Variants in TRPC5 observed in about 807,000 individuals in gnomAD.
TRPC5 encodes the protein short transient receptor potential channel 5.
In TRPC5, 9 loss-of-function variants were observed where a neutral mutation model predicts 56.5. That is an observed-to-expected ratio of 0.16 (90% CI 0.10 to 0.28). TRPC5 has a LOEUF of 0.28. TRPC5 is among the 10% of genes least tolerant of loss of function. The pLI is 1.00. For synonymous variants in TRPC5, 282 were observed against 278.5 expected, an observed-to-expected ratio of 1.01 and a Z score of -0.13; for missense variants, 469 against 748.9, an observed-to-expected ratio of 0.63 and a Z score of 4.36.
In TRPC5 at chrX:112,005,216, A is replaced by C. The variant is rs541068909; in HGVS notation, c.-21-52775T>G. 5.0e-4 allele frequency among the ~76,000 whole-genome samples: 55 copies of C among 110,801 alleles called. No individual in the cohort carries two copies. In the Middle Eastern group the frequency reaches 0.018, roughly 37 times the overall value. ...TTAGCAGACTGACACAGGAGCAGAA[A>C]ACCAAATACCACATGTTTTCACTTA... On this transcript the variant is annotated intron_variant, in intron 1 of 10. Transcript: ENST00000262839.
At chrX:112,053,644 G>C (rs960959184) in intron 1 of TRPC5, among the ~76,000 whole-genome samples, 1 of 111,676 alleles carries the variant, frequency 9.0e-6, no homozygotes, top group African/African-American at 3.3e-5. Flanking sequence ...AGATGGCCTG[G>C]TGGTGTAAGG....
chrX:111,987,033 G>T (rs1437416724), intron 1 of TRPC5, among the ~76,000 whole-genome samples: 1 of 110,902 alleles, frequency 9.0e-6, no homozygotes. Context: ...ACATTTGTTG[G>T]TTTGCAAAAA....
intron 3 of TRPC5, among the ~76,000 whole-genome samples, chrX:111,909,352 A>AATTAATT (rs1556583253): frequency 1.0e-5 from 1 of 95,730 alleles, no homozygotes; most frequent in Non-Finnish European, 2.1e-5. Context: ...ATAAATAAAT[A>AATTAATT]AATAAATTAA....
intron 2 of TRPC5, among the ~76,000 whole-genome samples, chrX:111,928,992 C>T (rs1292502728): frequency 1.1e-4 from 12 of 111,726 alleles, no homozygotes; most frequent in Admixed American, 1.9e-4. Context: ...CAGGGATAAC[C>T]CAAAAGAGGC....
At chrX:112,063,500 A>G (rs1163968928) in intron 1 of TRPC5, among the ~76,000 whole-genome samples, 1 of 111,943 alleles carries the variant, frequency 8.9e-6, no homozygotes, top group Non-Finnish European at 1.9e-5. Flanking sequence ...CATTTCAGGG[A>G]CTGTGATTTG....
At chrX:111,832,285 C>T (rs1922431149) in intron 7 of TRPC5, among the ~76,000 whole-genome samples, 2 of 112,015 alleles carry the variant, frequency 1.8e-5, no homozygotes, top group South Asian at 3.8e-4. Context: ...TGATAAAGAG[C>T]TTAACCCTTC....
At chrX:112,027,698 G>A (rs931046261) in intron 1 of TRPC5, among the ~76,000 whole-genome samples, 1 of 110,363 alleles carries the variant, frequency 9.1e-6, no homozygotes, top group Non-Finnish European at 1.9e-5. Context: ...GGGTTTCACC[G>A]TGTTAGCCAT....
intron 3 of TRPC5, among the ~76,000 whole-genome samples, chrX:111,858,938 T>C (rs1295731540): frequency 8.9e-6 from 1 of 111,752 alleles, no homozygotes; most frequent in Non-Finnish European, 1.9e-5. Context: ...ATGGTGGTCC[T>C]GCTCTGTCAT....
chrX:112,046,470 T>C (rs1323643123), intron 1 of TRPC5, among the ~76,000 whole-genome samples: 1 of 111,070 alleles, frequency 9.0e-6, no homozygotes, highest in Non-Finnish European at 1.9e-5. Context: ...CCTAACTCCC[T>C]GTAGGCTGTC....
intron 7 of TRPC5, among the ~76,000 whole-genome samples, chrX:111,817,323 ATTTTTTTT>A (rs148024546): frequency 1.2e-5 from 1 of 82,937 alleles, no homozygotes; most frequent in African/African-American, 4.8e-5. Flanking sequence ...CTCTTATCTG[ATTTTTTTT>A]TTTTTTTTTT....
At chrX:111,823,286 G>A (rs970187974) in intron 7 of TRPC5, among the ~76,000 whole-genome samples, 1 of 111,669 alleles carries the variant, frequency 9.0e-6, no homozygotes, top group Admixed American at 9.5e-5. Flanking sequence ...GCAGAATGGG[G>A]GAGGTCTGTC....
chrX:111,799,768 TA>T (rs373320497), intron 7 of TRPC5, among the ~76,000 whole-genome samples: 3,786 of 103,478 alleles, frequency 0.037, 80 homozygotes, highest in Middle Eastern at 0.069. Flanking sequence ...TGGATGTGGA[TA>T]AAAAAAAAAG....
chrX:111,829,184 C>T (rs1210257302), intron 7 of TRPC5, among the ~76,000 whole-genome samples: 2 of 107,499 alleles, frequency 1.9e-5, no homozygotes, highest in East Asian at 3.0e-4. Context: ...TGCCTGTAAT[C>T]CCAGCTACTC....
intron 3 of TRPC5, chrX:111,901,969 A>C: frequency 8.7e-6 from 10 of 1,155,727 alleles, no homozygotes; most frequent in Non-Finnish European, 1.1e-5. Context: ...TTCCTTATGT[A>C]GAAGAAAATG....
At chrX:112,009,235 A>T (rs1414241563) in intron 1 of TRPC5, among the ~76,000 whole-genome samples, 3 of 111,452 alleles carry the variant, frequency 2.7e-5, no homozygotes, top group Admixed American at 9.5e-5. Flanking sequence ...TAGTTTATGA[A>T]TCGAGATTGC....
Position 111,776,802 on chromosome X carries a change from T to C in TRPC5, c.2433A>G (p.Pro811=). 8.3e-7 allele frequency: 1 copy of C among 1,209,505 alleles called. No homozygotes were observed. The highest frequency in any genetic ancestry group is 1.1e-6 in the Non-Finnish European group (1 of 894,548). ...LGCKKKTCHG[P]PLIRTMPRSS... ...ACCTTGGCATGGTTCTGATGAGAGG[T>C]GGCCCATGGCAAGTCTTTTTCTTGC... The change falls in exon 11 of 11, where the codon CCA becomes CCG. Residue 811 remains proline (P), a synonymous_variant. Transcript: ENST00000262839.
intron 1 of TRPC5, among the ~76,000 whole-genome samples, chrX:112,074,299 TTA>T (rs749020277): frequency 0.018 from 1,797 of 100,010 alleles, 49 homozygotes; most frequent in African/African-American, 0.07. Flanking sequence ...TTTTATTTTA[TTA>T]TATATATATA....
intron 2 of TRPC5, 51 bp downstream of exon 2, chrX:111,951,992 T>C (rs763028489): frequency 1.7e-6 from 2 of 1,160,719 alleles, no homozygotes; most frequent in Non-Finnish European, 2.3e-6. Context: ...GCTTCTGACC[T>C]GGTGCCCTGT....
At chrX:112,044,818 C>T (rs1251423600) in intron 1 of TRPC5, among the ~76,000 whole-genome samples, 5 of 111,854 alleles carry the variant, frequency 4.5e-5, no homozygotes, top group African/African-American at 1.6e-4. Flanking sequence ...CATGATTATA[C>T]TAACTTCACA....
Sources: gnomAD v4.1 joint callset for allele counts (sites outside exome capture counted in the v4.1 genomes callset) on GRCh38, gnomAD v4.1.1 for gene constraint, MANE v1.5 for transcripts, NCBI Gene and HGNC (gene_info 2026-07-23, HGNC 2026-07-21) for gene names.